GSDMC: variants seen among roughly 807,000 people sequenced by gnomAD.
The protein encoded by GSDMC is gasdermin-C.
A neutral mutation model predicts 58.0 loss-of-function variants in GSDMC; 59 were observed. The observed-to-expected ratio is 1.02, with a 90% confidence interval of 0.82 to 1.26. GSDMC has a LOEUF of 1.26. Ranked by LOEUF, GSDMC falls within the 50% of genes most tolerant of loss-of-function variation. The pLI, the probability that GSDMC is intolerant of heterozygous loss-of-function variation, is 0.00. For synonymous variants in GSDMC, 241 were observed against 220.2 expected, an observed-to-expected ratio of 1.09 and a Z score of -0.83; for missense variants, 659 against 598.5, an observed-to-expected ratio of 1.10 and a Z score of -1.06.
the GSDMC span, chr8:129,707,276 C>G: frequency 2.0e-5 from 3 of 151,940 alleles, no homozygotes; most frequent in Non-Finnish European, 2.9e-5. Flanking sequence ...GCCCTGAATG[C>G]AAGGATGGCT....
At chr8:129,713,191 A>G in the GSDMC span, among the ~76,000 whole-genome samples, 1 of 152,234 alleles carries the variant, frequency 6.6e-6, no homozygotes, top group Admixed American at 6.5e-5. Flanking sequence ...AGACAGCACA[A>G]TGCTCCAAGA....
the GSDMC span, among the ~76,000 whole-genome samples, chr8:129,733,295 T>C: frequency 6.6e-6 from 1 of 152,200 alleles, no homozygotes; most frequent in African/African-American, 2.4e-5. Context: ...GTCTGACAGC[T>C]CTTAACAGAG....
intron 8 of GSDMC, 78 bp downstream of exon 8, chr8:129,752,028 G>C (rs1042953878): frequency 2.2e-5 from 32 of 1,477,546 alleles, no homozygotes; most frequent in Non-Finnish European, 3.0e-5. Context: ...CAAGACTTTG[G>C]GTAATAGCAC....
chr8:129,767,208 G>C (rs1181345604), intron 3 of GSDMC, among the ~76,000 whole-genome samples: 1 of 152,106 alleles, frequency 6.6e-6, no homozygotes, highest in Non-Finnish European at 1.5e-5. Flanking sequence ...CCTAACTGTG[G>C]AGCACAGCCT....
downstream of GSDMC, among the ~76,000 whole-genome samples, chr8:129,747,143 G>C (rs1022170296): frequency 2.0e-5 from 3 of 151,810 alleles, no homozygotes; most frequent in Non-Finnish European, 4.4e-5. Context: ...TGCAATCCCA[G>C]CTATTCAGGA....
chr8:129,781,689 G>A (rs773684909), intron 1 of GSDMC, among the ~76,000 whole-genome samples: 1 of 151,872 alleles, frequency 6.6e-6, no homozygotes, highest in Non-Finnish European at 1.5e-5. Context: ...AGCTTGCAGT[G>A]GGCCGAGCGG....
At chr8:129,717,891 T>C in the GSDMC span, among the ~76,000 whole-genome samples, 1 of 152,112 alleles carries the variant, frequency 6.6e-6, no homozygotes, top group Non-Finnish European at 1.5e-5. Flanking sequence ...AATCTGATCA[T>C]TGACAAACCT....
At chr8:129,725,359 C>A in the GSDMC span, among the ~76,000 whole-genome samples, 1 of 152,252 alleles carries the variant, frequency 6.6e-6, no homozygotes. Context: ...CTCATGCGTT[C>A]TTTTCTTTCT....
intron 7 of GSDMC, 116 bp downstream of exon 7, chr8:129,752,582 G>T: frequency 1.4e-6 from 2 of 1,434,470 alleles, no homozygotes; most frequent in Non-Finnish European, 1.9e-6. Flanking sequence ...GAGCAAGATG[G>T]TGCAATAGAA....
the GSDMC span, among the ~76,000 whole-genome samples, chr8:129,711,074 A>C: frequency 6.6e-6 from 1 of 152,192 alleles, no homozygotes; most frequent in Non-Finnish European, 1.5e-5. Flanking sequence ...GAAAACAACC[A>C]AATATTTGTT....
In GSDMC at chr8:129,751,530, A is replaced by C. The variant is rs755661398; in HGVS notation, c.943+12T>G. On this transcript the variant is annotated intron_variant, in intron 10 of 13. Transcript: ENST00000276708. ...CCCAGAAGCCCCAGGTTCCCCCTTA[A>C]TAAATACTTACTTTGCCAGAAGGGT... The C allele has an allele frequency of 6.2e-7, 1 of 1,609,568 alleles. No homozygotes were observed. Among genetic ancestry groups the C allele is most frequent in the South Asian group, 1.1e-5 (1 of 90,690 alleles).
chr8:129,749,628 G>A, intron 12 of GSDMC, 103 bp from the exon 13 acceptor site: 1 of 857,136 alleles, frequency 1.2e-6, no homozygotes, highest in East Asian at 2.5e-5. Flanking sequence ...CCAAGGCAGA[G>A]GAATAAAACC....
chr8:129,709,528 A>C, the GSDMC span, among the ~76,000 whole-genome samples: 5 of 141,364 alleles, frequency 3.5e-5, no homozygotes, highest in African/African-American at 1.5e-4. Flanking sequence ...TGATAGGCAG[A>C]TAGTTGATAT....
intron 11 of GSDMC, 97 bp downstream of exon 11, chr8:129,750,334 G>A: frequency 7.8e-7 from 1 of 1,282,516 alleles, no homozygotes; most frequent in South Asian, 1.4e-5. Context: ...CTGGCATCTT[G>A]CTTATTCTTC....
chr8:129,730,989 A>G, the GSDMC span, among the ~76,000 whole-genome samples: 1,027 of 152,366 alleles, frequency 6.7e-3, 8 homozygotes, highest in Non-Finnish European at 9.3e-3. Context: ...TTAATGAATT[A>G]TCAAAAATTC....
At chr8:129,783,934 T>C (rs984882838) in intron 1 of GSDMC, among the ~76,000 whole-genome samples, 7 of 151,714 alleles carry the variant, frequency 4.6e-5, no homozygotes, top group Non-Finnish European at 7.4e-5. Flanking sequence ...CAGAAACAAA[T>C]CCATATACCT....
At chr8:129,752,892 G>A (rs747036496) in intron 6 of GSDMC, 72 bp from the exon 7 acceptor site, 2 of 1,604,084 alleles carry the variant, frequency 1.2e-6, no homozygotes, top group African/African-American at 2.7e-5. Context: ...TCATAGCAGA[G>A]AGCAGAGCCA....
the GSDMC span, among the ~76,000 whole-genome samples, chr8:129,707,572 TA>T: frequency 1.1e-4 from 16 of 152,344 alleles, no homozygotes; most frequent in South Asian, 3.3e-3. Flanking sequence ...CAAAATTATA[TA>T]ATTCAAAATT....
intron 6 of GSDMC, among the ~76,000 whole-genome samples, chr8:129,755,340 A>G (rs2033385276): frequency 6.6e-6 from 1 of 152,206 alleles, no homozygotes; most frequent in East Asian, 1.9e-4. Context: ...AGAAAAAAAA[A>G]CCTTTTATCC....
Sources: gnomAD v4.1 joint callset for allele counts (sites outside exome capture counted in the v4.1 genomes callset) on GRCh38, gnomAD v4.1.1 for gene constraint, MANE v1.5 for transcripts, NCBI Gene and HGNC (gene_info 2026-07-23, HGNC 2026-07-21) for gene names.